The following STAG1 variants were observed in gnomAD, a reference collection of about 807,000 sequenced individuals.
The protein encoded by STAG1 is cohesin subunit SA-1.
Under a neutral mutation model 170.9 loss-of-function variants are expected in STAG1, and 26 were observed. The ratio of observed to expected loss-of-function variants is 0.15; its 90% CI spans 0.11 to 0.21. The LOEUF is 0.21. Ranked by LOEUF, STAG1 falls within the 10% of genes least tolerant of loss-of-function variation. The probability of loss-of-function intolerance (pLI) is 1.00; values close to 1 mark genes in which losing one functional copy is unlikely to be tolerated. For missense variants in STAG1, 964 were observed against 1,509.5 expected, an observed-to-expected ratio of 0.64 and a Z score of 5.99; for synonymous variants, 514 against 497.7, an observed-to-expected ratio of 1.03 and a Z score of -0.44.
intron 1 of STAG1, among the ~76,000 whole-genome samples, chr3:136,751,115 T>A (rs1935202997): frequency 6.6e-6 from 1 of 152,110 alleles, no homozygotes; most frequent in African/African-American, 2.4e-5. Context: ...GAGAATAAAC[T>A]CTATCCATCT....
At chr3:136,727,609 TGAGAG>T (rs1229292702) in intron 1 of STAG1, among the ~76,000 whole-genome samples, 1 of 152,208 alleles carries the variant, frequency 6.6e-6, no homozygotes, top group African/African-American at 2.4e-5. Context: ...ACTCTGTCTC[TGAGAG>T]ATACTTTCCC....
At chr3:136,611,006 G>T (rs565958883) in intron 3 of STAG1, among the ~76,000 whole-genome samples, 1 of 152,212 alleles carries the variant, frequency 6.6e-6, no homozygotes, top group African/African-American at 2.4e-5. Flanking sequence ...GGAACAAGAA[G>T]TGTGTCAGAC....
intron 22 of STAG1, among the ~76,000 whole-genome samples, chr3:136,386,384 A>G (rs2086874295): frequency 6.6e-6 from 1 of 152,150 alleles, no homozygotes; most frequent in Non-Finnish European, 1.5e-5. Context: ...TCAGCAAGAT[A>G]TCAACAATGA....
chr3:136,739,169 A>G (rs949801536), intron 1 of STAG1, among the ~76,000 whole-genome samples: 1 of 152,190 alleles, frequency 6.6e-6, no homozygotes, highest in African/African-American at 2.4e-5. Flanking sequence ...GCCTAAGTTC[A>G]AATTCTGGCT....
At chr3:136,538,755 G>C (rs1398920353) in intron 6 of STAG1, among the ~76,000 whole-genome samples, 2 of 152,134 alleles carry the variant, frequency 1.3e-5, no homozygotes, top group African/African-American at 4.8e-5. Context: ...CCTCTCGTAC[G>C]TTAAAAACTA....
chr3:136,609,763 CTTTTTG>C (rs1939166661), intron 3 of STAG1, among the ~76,000 whole-genome samples: 1 of 151,996 alleles, frequency 6.6e-6, no homozygotes, highest in Non-Finnish European at 1.5e-5. Context: ...AGTGTAAATG[CTTTTTG>C]TTTTTAAGAG....
intron 13 of STAG1, among the ~76,000 whole-genome samples, chr3:136,454,140 G>A (rs2089032338): frequency 6.6e-6 from 1 of 152,102 alleles, no homozygotes; most frequent in Non-Finnish European, 1.5e-5. Flanking sequence ...TGTCACCCAG[G>A]CTGGAGTGCA....
chr3:136,412,964 G>T (rs1559785759), intron 21 of STAG1, among the ~76,000 whole-genome samples: 2 of 151,044 alleles, frequency 1.3e-5, no homozygotes, highest in East Asian at 3.9e-4. Flanking sequence ...CTGGGTTCAA[G>T]TGATTCGAGT....
chr3:136,532,957 G>A (rs1935450223), intron 6 of STAG1, among the ~76,000 whole-genome samples: 1 of 152,064 alleles, frequency 6.6e-6, no homozygotes, highest in Admixed American at 6.6e-5. Flanking sequence ...CATCCAAATT[G>A]GAAAAGAGGA....
rs1362717946 is a variant in STAG1, at chr3:136,555,037, C to CTA, written c.395-12844_395-12843dup. The stretch of plus-strand genomic sequence containing the variant: ...GAAAAGGGACATCAGTAATTCACAA[C>CTA]TATATATATACATATATGCACACAC... On this transcript the variant is annotated intron_variant, in intron 5 of 33. Transcript: ENST00000383202. Among the ~76,000 whole-genome samples, 7 of 150,052 alleles carry CTA rather than the reference C, an allele frequency of 4.7e-5. No homozygotes were observed. The East Asian group carries it at 7.7e-4, about 17-fold the overall frequency.
In STAG1 at chr3:136,338,696, T is replaced by G. The variant is rs115736580; in HGVS notation, c.3673-246A>C. ...TTCAAACTATCATGAATAAACAACATGTTAATACATATAAATAACTTTGGG... is the reference window on the plus strand; with the variant it reads ...TTCAAACTATCATGAATAAACAACAGGTTAATACATATAAATAACTTTGGG... On this transcript the variant is annotated intron_variant, in intron 32 of 33. Coordinates refer to ENST00000383202, the MANE Select transcript of STAG1 (RefSeq NM_005862.3). Among the ~76,000 whole-genome samples, 550 of 152,352 alleles carry G rather than the reference T, an allele frequency of 3.6e-3. 1 individual carries two copies. Among genetic ancestry groups the G allele is most frequent in the African/African-American group, 0.013 (521 of 41,594 alleles).
chr3:136,369,099 T>A lies in STAG1; in HGVS notation c.2545+9A>T, dbSNP rs754204144. ...AAATCAATATTGACAAGATGATAGC[T>A]ACAAGTACCCATGCTCTGGTTCTCC... On this transcript the variant is annotated intron_variant, in intron 24 of 33. Coordinates refer to ENST00000383202, the MANE Select transcript of STAG1 (RefSeq NM_005862.3). 1 of 1,498,116 alleles carries A rather than the reference T, an allele frequency of 6.7e-7. No homozygotes were observed. The highest frequency in any genetic ancestry group is 1.4e-5 in the South Asian group (1 of 71,732). The allele number at this position is 1,498,116 out of a possible 1,614,324, so 92.8% of individuals were successfully genotyped here.
chr3:136,448,028 G>A (rs1312828631), intron 14 of STAG1, among the ~76,000 whole-genome samples: 2 of 151,968 alleles, frequency 1.3e-5, no homozygotes, highest in African/African-American at 2.4e-5. Context: ...TAAAATACAA[G>A]GTATTTTGTC....
At chr3:136,589,116 CTTAACCTCAGGTGAT>C (rs1275163741) in intron 4 of STAG1, among the ~76,000 whole-genome samples, 1 of 152,054 alleles carries the variant, frequency 6.6e-6, no homozygotes. Context: ...GTCTGGAACT[CTTAACCTCAGGTGAT>C]CCGCCTGTCT....
chr3:136,744,077 C>T (rs773293211), intron 1 of STAG1, among the ~76,000 whole-genome samples: 7 of 152,208 alleles, frequency 4.6e-5, no homozygotes, highest in Non-Finnish European at 8.8e-5. Context: ...CCTGTAATCC[C>T]AGCACTTTGG....
intron 1 of STAG1, among the ~76,000 whole-genome samples, chr3:136,715,094 G>A (rs1377427868): frequency 2.1e-5 from 3 of 145,046 alleles, no homozygotes; most frequent in African/African-American, 7.6e-5. Flanking sequence ...ACAAAGGGGC[G>A]CACAGTAAGA....
At chr3:136,711,388 C>T (rs996802668) in intron 1 of STAG1, among the ~76,000 whole-genome samples, 18 of 151,918 alleles carry the variant, frequency 1.2e-4, no homozygotes, top group East Asian at 9.6e-4. Context: ...AGGGAGCTCT[C>T]GTCTCTACAA....
Position 136,513,350 on chromosome 3 carries a change from C to T in STAG1, c.676+7863G>A, listed in dbSNP as rs187675173. The stretch of plus-strand genomic sequence containing the variant: ...CCAGTCTGGGTGACAGAGCAAGACC[C>T]CGTCTCAAAAAAAAAAGGAAGACTT... On this transcript the variant is annotated intron_variant, in intron 7 of 33. Coordinates refer to ENST00000383202, the MANE Select transcript of STAG1 (RefSeq NM_005862.3). Among the ~76,000 whole-genome samples, 103 of 151,284 alleles carry T rather than the reference C, an allele frequency of 6.8e-4. 1 individual carries two copies. The East Asian group carries it at 0.017, about 25-fold the overall frequency.
At chr3:136,550,867 C>T (rs1272923682) in intron 5 of STAG1, among the ~76,000 whole-genome samples, 1 of 152,056 alleles carries the variant, frequency 6.6e-6, no homozygotes, top group African/African-American at 2.4e-5. Flanking sequence ...TTGTCTGATG[C>T]TTTTCTCACG....
Sources: gnomAD v4.1 joint callset for allele counts (sites outside exome capture counted in the v4.1 genomes callset) on GRCh38, gnomAD v4.1.1 for gene constraint, MANE v1.5 for transcripts, NCBI Gene and HGNC (gene_info 2026-07-23, HGNC 2026-07-21) for gene names.